NEXMIF: variants seen among roughly 807,000 people sequenced by gnomAD.
NEXMIF encodes the protein neurite extension and migration factor.
In NEXMIF, 8 loss-of-function variants were observed where a neutral mutation model predicts 62.1. That is an observed-to-expected ratio of 0.13 (90% CI 0.08 to 0.23). NEXMIF has a LOEUF of 0.23. NEXMIF is among the 10% of genes least tolerant of loss of function. The probability of loss-of-function intolerance (pLI) is 1.00; values close to 1 mark genes in which losing one functional copy is unlikely to be tolerated. For missense variants in NEXMIF, 976 were observed against 1,113.3 expected (o/e 0.88, Z 1.75); for synonymous variants, 404 against 416.6 (o/e 0.97, Z 0.37).
intron 1 of NEXMIF, among the ~76,000 whole-genome samples, chrX:74,909,943 A>T (rs1391730844): frequency 1.8e-5 from 2 of 112,458 alleles, no homozygotes; most frequent in Non-Finnish European, 3.8e-5. Flanking sequence ...GAGGTTTGGG[A>T]ACCTCCACCT....
chrX:74,787,867 G>T (rs2080266142), intron 1 of NEXMIF, among the ~76,000 whole-genome samples: 2 of 111,457 alleles, frequency 1.8e-5, no homozygotes, highest in Admixed American at 1.9e-4. Flanking sequence ...AACCTTGAAA[G>T]TACACTCCTC....
intron 1 of NEXMIF, among the ~76,000 whole-genome samples, chrX:74,839,514 G>A (rs943440367): frequency 2.7e-5 from 3 of 111,681 alleles, no homozygotes; most frequent in African/African-American, 9.8e-5. Context: ...CATCACACAG[G>A]TATTAAGCCC....
chrX:74,761,070 A>G (rs1297417857), intron 1 of NEXMIF, among the ~76,000 whole-genome samples: 1 of 109,282 alleles, frequency 9.2e-6, no homozygotes. Flanking sequence ...GGGTTTCACT[A>G]TGTTGGTCAG....
intron 1 of NEXMIF, among the ~76,000 whole-genome samples, chrX:74,831,491 G>A (rs1352379152): frequency 9.1e-6 from 1 of 109,556 alleles, no homozygotes; most frequent in Non-Finnish European, 1.9e-5. Context: ...ATGGTTTCCA[G>A]TTTCATCCAT....
chrX:74,848,308 C>G (rs147838324), intron 1 of NEXMIF, among the ~76,000 whole-genome samples: 1 of 112,545 alleles, frequency 8.9e-6, no homozygotes, highest in Non-Finnish European at 1.9e-5. Context: ...TAATATTGAA[C>G]CTGTATTTGA....
At chrX:74,869,958 G>GA (rs200477834) in intron 1 of NEXMIF, among the ~76,000 whole-genome samples, 320 of 109,148 alleles carry the variant, frequency 2.9e-3, no homozygotes, top group African/African-American at 9.6e-3. Flanking sequence ...CACAGAAATA[G>GA]AAAAAAAAAT....
Position 74,796,144 on chromosome X carries a change from T to A in NEXMIF, c.-47-50447A>T, listed in dbSNP as rs1201443609. 7.7e-4 allele frequency among the ~76,000 whole-genome samples: 58 copies of A among 75,132 alleles called. 1 individual carries two copies. The East Asian group carries it at 0.019, about 25-fold the overall frequency. The allele number at this position is 75,132 out of a possible 115,157, so 65.2% of individuals were successfully genotyped here. A position where few individuals can be genotyped will look rare whatever the true frequency, so the allele number is the denominator to read the frequency against. The stretch of plus-strand genomic sequence containing the variant: ...ATATATTTATATATAATATATATAT[T>A]ATATATATACATATATATTATATAT... On this transcript the variant is annotated intron_variant, in intron 1 of 3. Coordinates refer to ENST00000055682, the MANE Select transcript of NEXMIF (RefSeq NM_001008537.3).
intron 1 of NEXMIF, among the ~76,000 whole-genome samples, chrX:74,763,453 C>CT (rs1337723793): frequency 2.7e-5 from 3 of 111,700 alleles, no homozygotes; most frequent in Non-Finnish European, 5.6e-5. Flanking sequence ...ACTGCGGGCC[C>CT]TTTTTTGGCT....
At chrX:74,756,213 G>A (rs1048670374) in intron 1 of NEXMIF, among the ~76,000 whole-genome samples, 5 of 111,800 alleles carry the variant, frequency 4.5e-5, no homozygotes, top group Non-Finnish European at 7.5e-5. Flanking sequence ...CGCCCGCCTC[G>A]GCCTCCCGTA....
rs369481154 is a variant in NEXMIF, at chrX:74,741,333, T to C, written c.3224A>G (p.Asp1075Gly). Residue 1075 changes from aspartate (D) to glycine (G), a missense_variant, in exon 3 of 4, where the codon GAC becomes GGC. By Grantham distance (94) the Asp-to-Gly change is moderately conservative (BLOSUM62 -1). Around this residue, in one of 5 missense-constraint regions of NEXMIF, gnomAD observed 639 missense variants for 694.5 expected, o/e 0.92. Coordinates refer to ENST00000055682, the MANE Select transcript of NEXMIF (RefSeq NM_001008537.3). ...HSSLSEMSPPDTPSLSPQITR... is the reference protein window; with the variant it reads ...HSSLSEMSPPGTPSLSPQITR... ...AATTTGAGGGGAAAGACTAGGGGTG[T>C]CCGGTGGGGACATCTCTGAAAGGGA... The C allele has an allele frequency of 2.5e-6, 3 of 1,209,074 alleles. No homozygotes were observed. The highest frequency in any genetic ancestry group is 3.4e-6 in the Non-Finnish European group (3 of 895,118).
At chrX:74,851,013 G>A (rs1389007829) in intron 1 of NEXMIF, among the ~76,000 whole-genome samples, 1 of 108,649 alleles carries the variant, frequency 9.2e-6, no homozygotes, top group Non-Finnish European at 1.9e-5. Context: ...TTATCAAAGA[G>A]ATATTATTAA....
At chrX:74,877,263 C>T (rs1467852252) in intron 1 of NEXMIF, among the ~76,000 whole-genome samples, 3 of 110,889 alleles carry the variant, frequency 2.7e-5, no homozygotes, top group Non-Finnish European at 3.8e-5. Flanking sequence ...CTTAGTTTGG[C>T]TGGATATGAA....
At chrX:74,750,139 T>C (rs1268881809) in intron 1 of NEXMIF, among the ~76,000 whole-genome samples, 1 of 110,617 alleles carries the variant, frequency 9.0e-6, no homozygotes, top group Non-Finnish European at 1.9e-5. Flanking sequence ...GTCAAAAAGA[T>C]TAGAATTCAG....
intron 1 of NEXMIF, among the ~76,000 whole-genome samples, chrX:74,751,658 TTTCC>T (rs1556017750): frequency 7.1e-5 from 6 of 84,002 alleles, no homozygotes; most frequent in East Asian, 1.1e-3. Flanking sequence ...CCTTCCTTCC[TTTCC>T]TTCCTTCCTT....
At chrX:74,844,098 A>T (rs745736329) in intron 1 of NEXMIF, among the ~76,000 whole-genome samples, 15 of 111,926 alleles carry the variant, frequency 1.3e-4, no homozygotes, top group Admixed American at 6.6e-4. Context: ...TAAGAATATT[A>T]AATATAGGCT....
At chrX:74,818,401 G>A (rs1359844769) in intron 1 of NEXMIF, among the ~76,000 whole-genome samples, 1 of 111,909 alleles carries the variant, frequency 8.9e-6, no homozygotes, top group African/African-American at 3.2e-5. Context: ...AAATGGTGAT[G>A]GGATAACTGG....
Position 74,740,828 on chromosome X carries a change from A to C in NEXMIF, c.3729T>G (p.Arg1243=). Residue 1243 remains arginine (R), a synonymous_variant, in exon 3 of 4, where the codon CGT becomes CGG. Coordinates refer to ENST00000055682, the MANE Select transcript of NEXMIF (RefSeq NM_001008537.3). ...ATATGGTGTTGGTTTGGCTTCCCCC[A>C]CGGCCAATGCCAATTTGCATTTTCT... The part of the protein sequence containing the change: ...NGEKMQIGIG[R]GGSQTNTISS... 3.3e-6 allele frequency: 4 copies of C among 1,211,819 alleles called. No homozygotes were observed. The highest frequency in any genetic ancestry group is 4.5e-6 in the Non-Finnish European group (4 of 895,476).
At chrX:74,806,968 T>C (rs1378164583) in intron 1 of NEXMIF, among the ~76,000 whole-genome samples, 1 of 112,807 alleles carries the variant, frequency 8.9e-6, no homozygotes, top group East Asian at 2.8e-4. Flanking sequence ...GTCTTATAAT[T>C]GCATAGTGTC....
At chrX:74,847,304 G>A (rs573485053) in intron 1 of NEXMIF, among the ~76,000 whole-genome samples, 2 of 112,015 alleles carry the variant, frequency 1.8e-5, no homozygotes, top group African/African-American at 6.5e-5. Context: ...GGCTTCACGA[G>A]TCATAGAAGT....
Sources: gnomAD v4.1 joint callset for allele counts (sites outside exome capture counted in the v4.1 genomes callset) on GRCh38, gnomAD v4.1.1 for gene constraint, gnomAD v4.1.1 regional missense constraint, MANE v1.5 for transcripts, NCBI Gene and HGNC (gene_info 2026-07-23, HGNC 2026-07-21) for gene names.